The following EEF2K variants were observed in gnomAD, a reference collection of about 807,000 sequenced individuals.
EEF2K encodes the protein alternative protein EEF2K.
EEF2K carries 70 observed loss-of-function variants against 93.8 expected under a neutral mutation model. The ratio of observed to expected loss-of-function variants is 0.75; its 90% CI spans 0.62 to 0.91. EEF2K has a LOEUF of 0.91. Ranked by LOEUF, EEF2K falls within the 40% of genes least tolerant of loss-of-function variation. The pLI is 0.00. For missense variants in EEF2K, 935 were observed against 972.9 expected (o/e 0.96, Z 0.52); for synonymous variants, 376 against 380.8 (o/e 0.99, Z 0.15).
chr16:22,277,261 C>G (rs1425678682), intron 16 of EEF2K, among the ~76,000 whole-genome samples: 3 of 152,058 alleles, frequency 2.0e-5, no homozygotes, highest in African/African-American at 7.3e-5. Context: ...CTCAGCCTCT[C>G]GAGTAGCTGG....
At chr16:22,250,379 C>T (rs1183729431) in intron 4 of EEF2K, among the ~76,000 whole-genome samples, 1 of 152,122 alleles carries the variant, frequency 6.6e-6, no homozygotes, top group Non-Finnish European at 1.5e-5. Flanking sequence ...CTCTGAGATG[C>T]ACTGTCCCTC....
intron 1 of EEF2K, among the ~76,000 whole-genome samples, chr16:22,210,538 A>G (rs2142097716): frequency 6.6e-6 from 1 of 152,306 alleles, no homozygotes; most frequent in Non-Finnish European, 1.5e-5. Context: ...TACTTTTAGA[A>G]GCGCTGGTTA....
rs774880587 is a variant in EEF2K at position 22,266,838 on chromosome 16, C to G, written c.1726C>G (p.Gln576Glu). 1.2e-6 allele frequency: 2 copies of G among 1,613,532 alleles called. No homozygotes were observed. Among genetic ancestry groups the G allele is most frequent in the African/African-American group, 2.7e-5 (2 of 74,922 alleles). Reference protein sequence around the residue: ...AIVGLGLMYSQLPHHILADVS... With the variant: ...AIVGLGLMYSELPHHILADVS... ...CGTGGGCCTGGGACTCATGTACTCGCAGTTGCCTCATCACATCCTAGCCGA... is the reference window on the plus strand; with the variant it reads ...CGTGGGCCTGGGACTCATGTACTCGGAGTTGCCTCATCACATCCTAGCCGA... Residue 576 changes from glutamine (Q) to glutamate (E), a missense_variant, in exon 15 of 18, where the codon CAG becomes GAG. Transcript: ENST00000263026.
intron 2 of EEF2K, among the ~76,000 whole-genome samples, chr16:22,241,482 T>C (rs879600886): frequency 6.6e-6 from 1 of 151,176 alleles, no homozygotes; most frequent in Non-Finnish European, 1.5e-5. Context: ...CCGTCTCTAC[T>C]AAAAATACAA....
chr16:22,274,018 T>C (rs1313867262), intron 16 of EEF2K, among the ~76,000 whole-genome samples: 2 of 152,176 alleles, frequency 1.3e-5, no homozygotes, highest in Non-Finnish European at 2.9e-5. Flanking sequence ...ATAAAGCATG[T>C]GGTATGGCTG....
In EEF2K at chr16:22,216,419, C is replaced by T. The variant is rs117712707; in HGVS notation, c.-76-9235C>T. Among the ~76,000 whole-genome samples, 120 of 152,280 alleles carry T rather than the reference C, an allele frequency of 7.9e-4. 1 individual carries two copies. The East Asian group carries it at 0.02, about 25-fold the overall frequency. ...GTCTTTCTTATTTCCATAGAAATTA[C>T]GCCTTTTTGAGGTTGATAAGCTTTT... On this transcript the variant is annotated intron_variant, in intron 1 of 17. Transcript: ENST00000263026.
At chr16:22,279,255 T>TA (rs57015959) in intron 16 of EEF2K, among the ~76,000 whole-genome samples, 11 of 148,404 alleles carry the variant, frequency 7.4e-5, no homozygotes, top group Non-Finnish European at 8.9e-5. Flanking sequence ...TTTTTTTTTT[T>TA]AACACAGGGT....
Position 22,225,780 on chromosome 16 carries a change from G to A in EEF2K, c.51G>A (p.Gln17=). The part of the protein sequence containing the change: ...IFRLEGVDGG[Q]SPRAGHDGDS... ...GCCTGGAAGGCGTTGATGGCGGCCA[G>A]TCCCCCCGAGCTGGCCATGATGGTG... The change falls in exon 2 of 18, where the codon CAG becomes CAA. Residue 17 remains glutamine (Q), a synonymous_variant. Coordinates refer to ENST00000263026, the MANE Select transcript of EEF2K (RefSeq NM_013302.5). 6.2e-7 allele frequency: 1 copy of A among 1,614,226 alleles called. No individual in the cohort carries two copies. Among genetic ancestry groups the A allele is most frequent in the South Asian group, 1.1e-5 (1 of 91,086 alleles).
chr16:22,275,032 A>G (rs941334373), intron 16 of EEF2K, among the ~76,000 whole-genome samples: 1 of 152,212 alleles, frequency 6.6e-6, no homozygotes, highest in African/African-American at 2.4e-5. Context: ...CCTCTGATGT[A>G]CTGTCTACTG....
At chr16:22,281,635 G>C (rs922577955) in intron 17 of EEF2K, among the ~76,000 whole-genome samples, 2 of 152,168 alleles carry the variant, frequency 1.3e-5, no homozygotes, top group African/African-American at 4.8e-5. Flanking sequence ...TCCCGTACCA[G>C]TTAGCAGTCC....
intron 2 of EEF2K, among the ~76,000 whole-genome samples, chr16:22,230,755 A>G (rs1015290005): frequency 3.3e-5 from 5 of 152,146 alleles, no homozygotes; most frequent in Non-Finnish European, 7.4e-5. Flanking sequence ...AAAGATGAAG[A>G]TGATTCTATG....
intron 6 of EEF2K, 129 bp from the exon 7 acceptor site, chr16:22,256,619 G>A: frequency 9.6e-7 from 1 of 1,044,954 alleles, no homozygotes; most frequent in South Asian, 1.8e-5. Flanking sequence ...TCCTACAATA[G>A]AGAGCTAGTA....
chr16:22,247,065 AAAG>A (rs2047300822), intron 3 of EEF2K, among the ~76,000 whole-genome samples: 7 of 149,294 alleles, frequency 4.7e-5, no homozygotes, highest in Non-Finnish European at 8.9e-5. Context: ...AAAAAAAAAA[AAAG>A]AAACTAGAAT....
intron 8 of EEF2K, 119 bp downstream of exon 8, chr16:22,257,504 G>A: frequency 6.5e-7 from 1 of 1,546,184 alleles, no homozygotes; most frequent in South Asian, 1.2e-5. Flanking sequence ...CAAGATCATG[G>A]AGATGGGAGC....
chr16:22,284,224 G>C lies in EEF2K; in HGVS notation c.*228G>C. On this transcript the variant is annotated 3_prime_UTR_variant, in exon 18 of 18. Coordinates refer to ENST00000263026, the MANE Select transcript of EEF2K (RefSeq NM_013302.5). ...TAGGGCAGTATTTTGGGGAAGTGGG[G>C]CTTGAAGAAGCAGCCTAATGAACCA... 1 of 505,544 alleles carries C rather than the reference G, an allele frequency of 2.0e-6. No individual in the cohort carries two copies. Among genetic ancestry groups the C allele is most frequent in the Non-Finnish European group, 3.6e-6 (1 of 280,642 alleles). 31.3% of individuals were successfully genotyped at this position (505,544 alleles called of 1,614,324 possible).
chr16:22,265,773 C>A (rs2047511824), intron 13 of EEF2K, among the ~76,000 whole-genome samples: 1 of 152,216 alleles, frequency 6.6e-6, no homozygotes, highest in Non-Finnish European at 1.5e-5. Flanking sequence ...CATCTTTGGC[C>A]AGGAGAAATG....
At chr16:22,228,179 A>G (rs2047082703) in intron 2 of EEF2K, among the ~76,000 whole-genome samples, 1 of 152,066 alleles carries the variant, frequency 6.6e-6, no homozygotes, top group South Asian at 2.1e-4. Flanking sequence ...GTCACACATT[A>G]TAGGTGCTTA....
At chr16:22,273,165 G>A (rs547657409) in intron 15 of EEF2K, among the ~76,000 whole-genome samples, 36 of 152,328 alleles carry the variant, frequency 2.4e-4, no homozygotes, top group African/African-American at 7.9e-4. Context: ...CTGCTTCTAC[G>A]GAATAGGGCT....
intron 3 of EEF2K, among the ~76,000 whole-genome samples, chr16:22,245,625 C>T (rs1338990722): frequency 6.6e-6 from 1 of 152,002 alleles, no homozygotes; most frequent in Non-Finnish European, 1.5e-5. Context: ...AGGTTTCAAA[C>T]TTTAGGGATC....
Sources: allele counts gnomAD v4.1 joint callset (sites outside exome capture counted in the v4.1 genomes callset), GRCh38; gene constraint gnomAD v4.1.1; transcripts MANE v1.5; gene names NCBI Gene and HGNC (gene_info 2026-07-23, HGNC 2026-07-21).